CAST: variants seen among roughly 807,000 people sequenced by gnomAD.
CAST encodes the protein MIR583 host.
Under a neutral mutation model 119.6 loss-of-function variants are expected in CAST, and 76 were observed. The ratio of observed to expected loss-of-function variants is 0.64; its 90% CI spans 0.53 to 0.77. The LOEUF is 0.77. Among genes scored for constraint, CAST ranks in the 30% least tolerant of loss-of-function variants. CAST has a pLI of 0.00. For missense variants in CAST, 953 were observed against 946.5 expected (o/e 1.01, Z -0.09); for synonymous variants, 319 against 331.6 (o/e 0.96, Z 0.41).
chr5:96,634,278 G>T (rs961241733), intron 1 of CAST, among the ~76,000 whole-genome samples: 2 of 152,132 alleles, frequency 1.3e-5, no homozygotes, highest in Non-Finnish European at 2.9e-5. Context: ...GAGTGAAAGG[G>T]CTTCAACTGC....
chr5:96,622,220 G>A (rs1378118307), intron 1 of CAST, among the ~76,000 whole-genome samples: 1 of 151,806 alleles, frequency 6.6e-6, no homozygotes, highest in Admixed American at 6.6e-5. Flanking sequence ...CACCCACCTC[G>A]GCCTCCCAAA....
the CAST span, among the ~76,000 whole-genome samples, chr5:96,108,995 C>T: frequency 1.3e-5 from 2 of 152,348 alleles, no homozygotes; most frequent in South Asian, 2.1e-4. Flanking sequence ...TTCCAGGTGC[C>T]GTCTGTCACC....
At chr5:96,267,906 C>T in the CAST span, among the ~76,000 whole-genome samples, 66 of 152,130 alleles carry the variant, frequency 4.3e-4, no homozygotes, top group South Asian at 2.9e-3. Context: ...ACTGAGACAA[C>T]GTAAAGTCAA....
At chr5:96,413,971 A>G in the CAST span, among the ~76,000 whole-genome samples, 3 of 145,016 alleles carry the variant, frequency 2.1e-5, no homozygotes, top group African/African-American at 5.2e-5. Context: ...TACAAAAAAA[A>G]AAAAAAAAAA....
chr5:96,212,976 G>A, the CAST span, among the ~76,000 whole-genome samples: 3 of 151,992 alleles, frequency 2.0e-5, no homozygotes, highest in South Asian at 4.2e-4. Flanking sequence ...TAAATTAGCC[G>A]GGCATGGTGG....
chr5:96,345,486 T>C, the CAST span, among the ~76,000 whole-genome samples: 2 of 152,244 alleles, frequency 1.3e-5, no homozygotes, highest in African/African-American at 4.8e-5. Context: ...CCTTTCACTT[T>C]CTACGTCTAA....
At chr5:96,749,999 G>A (rs545297023) in intron 19 of CAST, among the ~76,000 whole-genome samples, 6 of 152,210 alleles carry the variant, frequency 3.9e-5, no homozygotes, top group East Asian at 1.9e-4. Context: ...CTAAGAATCC[G>A]CATTTCTAGG....
chr5:95,994,391 A>G, the CAST span, among the ~76,000 whole-genome samples: 1 of 152,210 alleles, frequency 6.6e-6, no homozygotes, highest in Admixed American at 6.5e-5. Flanking sequence ...AAAAGAAATC[A>G]CAACATTATA....
At chr5:96,180,834 G>T in the CAST span, among the ~76,000 whole-genome samples, 80 of 152,264 alleles carry the variant, frequency 5.3e-4, no homozygotes, top group African/African-American at 1.8e-3. Flanking sequence ...AACCAAGCTT[G>T]GAGCAACTCA....
chr5:96,430,255 C>G, the CAST span, among the ~76,000 whole-genome samples: 7 of 152,190 alleles, frequency 4.6e-5, no homozygotes, highest in African/African-American at 1.4e-4. Context: ...TTGAGCTAGT[C>G]TCCCTTTACT....
At chr5:96,433,851 C>A in the CAST span, among the ~76,000 whole-genome samples, 11 of 152,236 alleles carry the variant, frequency 7.2e-5, no homozygotes, top group African/African-American at 2.7e-4. Flanking sequence ...CTTCCCTCCT[C>A]CCCTTTGTTT....
At chr5:96,089,066 C>CTTTTTTTT in the CAST span, among the ~76,000 whole-genome samples, 1 of 117,720 alleles carries the variant, frequency 8.5e-6, no homozygotes. Context: ...CTCCAAAAAT[C>CTTTTTTTT]TTTTTTTTTT....
At chr5:96,566,223 T>A (rs915019578) in intron 1 of CAST, among the ~76,000 whole-genome samples, 1 of 152,254 alleles carries the variant, frequency 6.6e-6, no homozygotes, top group Non-Finnish European at 1.5e-5. Flanking sequence ...TTTAGCCTAA[T>A]GAACGTGAAT....
intron 1 of CAST, among the ~76,000 whole-genome samples, chr5:96,534,948 GGAAA>G (rs984529108): frequency 7.1e-5 from 8 of 112,076 alleles, no homozygotes; most frequent in East Asian, 3.1e-4. Flanking sequence ...AAAGAGAAAG[GGAAA>G]GAAAGAAAGA....
At chr5:96,411,060 C>G in the CAST span, 1 of 1,029,122 alleles carries the variant, frequency 9.7e-7, no homozygotes, top group Middle Eastern at 3.0e-4. Context: ...ATAAAATCCC[C>G]AACGACTACA....
chr5:96,534,754 A>AG (rs1491280933), intron 1 of CAST, among the ~76,000 whole-genome samples: 1,060 of 61,568 alleles, frequency 0.017, 117 homozygotes, highest in Non-Finnish European at 0.024. Context: ...AGAAAGAAAG[A>AG]AAGAAAGAAA....
the CAST span, among the ~76,000 whole-genome samples, chr5:96,115,461 G>A: frequency 6.6e-6 from 1 of 152,142 alleles, no homozygotes; most frequent in African/African-American, 2.4e-5. Context: ...AACCCTATTA[G>A]GTAGGCATGG....
At chr5:96,188,672 A>AT in the CAST span, among the ~76,000 whole-genome samples, 1 of 151,918 alleles carries the variant, frequency 6.6e-6, no homozygotes, top group African/African-American at 2.4e-5. Flanking sequence ...TTTCTTTCAC[A>AT]TTTTACATTT....
At chr5:96,139,276 A>G in the CAST span, among the ~76,000 whole-genome samples, 7 of 151,746 alleles carry the variant, frequency 4.6e-5, no homozygotes, top group East Asian at 3.9e-4. Context: ...AGCTCCTTTT[A>G]TCACTACCTC....
Sources: gnomAD v4.1 joint callset for allele counts (sites outside exome capture counted in the v4.1 genomes callset) on GRCh38, gnomAD v4.1.1 for gene constraint, MANE v1.5 for transcripts, NCBI Gene and HGNC (gene_info 2026-07-23, HGNC 2026-07-21) for gene names.